The following FAM227B variants were observed in gnomAD, a reference collection of about 807,000 sequenced individuals.
FAM227B encodes the protein protein FAM227B.
Under a neutral mutation model 73.8 loss-of-function variants are expected in FAM227B, and 88 were observed. The ratio of observed to expected loss-of-function variants is 1.19; its 90% CI spans 1.00 to 1.42. FAM227B has a LOEUF of 1.42. FAM227B is among the 40% of genes most tolerant of loss of function. The pLI is 0.00. For synonymous variants in FAM227B, 210 were observed against 190.5 expected, an observed-to-expected ratio of 1.10 and a Z score of -0.84; for missense variants, 632 against 590.9, an observed-to-expected ratio of 1.07 and a Z score of -0.72.
intron 11 of FAM227B, chr15:49,483,060 G>A (rs559697329): frequency 1.4e-5 from 11 of 791,994 alleles, no homozygotes; most frequent in Middle Eastern, 7.0e-4. Context: ...AAAAACTTCC[G>A]ATTAAAACAG....
chr15:49,583,052 A>C (rs771972647), intron 5 of FAM227B, among the ~76,000 whole-genome samples: 3 of 152,134 alleles, frequency 2.0e-5, no homozygotes, highest in Non-Finnish European at 4.4e-5. Context: ...ACAACCTAAC[A>C]TCACAACTAA....
Position 49,328,316 on chromosome 15 carries a change from T to C in FAM227B, c.*252A>G. ...TTCAAAGAAATGGTTGAAAGCTCTCTATGCTTCATAATGATTCTTTTTCCA... is the reference window on the plus strand; with the variant it reads ...TTCAAAGAAATGGTTGAAAGCTCTCCATGCTTCATAATGATTCTTTTTCCA... On this transcript the variant is annotated 3_prime_UTR_variant, in exon 16 of 16. Coordinates refer to ENST00000299338, the MANE Select transcript of FAM227B (RefSeq NM_152647.3). 1 of 1,435,112 alleles carries C rather than the reference T, an allele frequency of 7.0e-7. No individual in the cohort carries two copies. Among genetic ancestry groups the C allele is most frequent in the Non-Finnish European group, 9.1e-7 (1 of 1,098,504 alleles). The allele number at this position is 1,435,112 out of a possible 1,614,324, so 88.9% of individuals were successfully genotyped here.
At chr15:49,350,379 G>A (rs1314252518) in intron 13 of FAM227B, among the ~76,000 whole-genome samples, 1 of 152,142 alleles carries the variant, frequency 6.6e-6, no homozygotes, top group Non-Finnish European at 1.5e-5. Context: ...ATACCTGTGT[G>A]CACATACTTA....
chr15:49,360,982 T>C (rs767268717), intron 13 of FAM227B, among the ~76,000 whole-genome samples: 1 of 152,140 alleles, frequency 6.6e-6, no homozygotes, highest in Non-Finnish European at 1.5e-5. Flanking sequence ...TCTTGTGATT[T>C]AGGCAAATCA....
chr15:49,360,571 T>C (rs201200090), intron 13 of FAM227B, among the ~76,000 whole-genome samples: 1 of 52,386 alleles, frequency 1.9e-5, no homozygotes, highest in African/African-American at 7.5e-5. Context: ...TATAAAAACA[T>C]AGACAAAGTA....
At chr15:49,385,293 A>C (rs1596752686) in intron 11 of FAM227B, among the ~76,000 whole-genome samples, 1 of 151,948 alleles carries the variant, frequency 6.6e-6, no homozygotes, top group Admixed American at 6.6e-5. Context: ...AGACGGACAC[A>C]AATTTAAATG....
At chr15:49,518,111 G>A (rs534791020) in intron 10 of FAM227B, among the ~76,000 whole-genome samples, 14 of 151,972 alleles carry the variant, frequency 9.2e-5, no homozygotes, top group East Asian at 7.7e-4. Context: ...TCTTTTTTCC[G>A]TGTACAGAAA....
chr15:49,591,632 C>T (rs764672679), intron 3 of FAM227B, among the ~76,000 whole-genome samples: 3 of 151,578 alleles, frequency 2.0e-5, no homozygotes, highest in South Asian at 2.1e-4. Context: ...ATTACAGGCA[C>T]GTGCCACCAT....
chr15:49,514,889 T>C (rs2059275497), intron 10 of FAM227B, among the ~76,000 whole-genome samples: 2 of 152,132 alleles, frequency 1.3e-5, no homozygotes, highest in African/African-American at 4.8e-5. Context: ...TAGTTTTAAG[T>C]TTTACACTTA....
intron 3 of FAM227B, among the ~76,000 whole-genome samples, chr15:49,597,256 A>C (rs1047077031): frequency 1.3e-5 from 2 of 152,068 alleles, no homozygotes; most frequent in East Asian, 3.9e-4. Context: ...AAGAAAATCA[A>C]AATTACATAA....
intron 13 of FAM227B, chr15:49,366,000 GACTACAAATATT>G (rs942337105): frequency 5.0e-6 from 4 of 806,926 alleles, no homozygotes; most frequent in Non-Finnish European, 9.0e-6. Context: ...CACAGTAGAT[GACTACAAATATT>G]ACAACTGTAA....
chr15:49,518,558 G>C (rs763551342), intron 10 of FAM227B, among the ~76,000 whole-genome samples: 10 of 152,068 alleles, frequency 6.6e-5, no homozygotes, highest in Non-Finnish European at 1.2e-4. Flanking sequence ...GGCAAAGGAG[G>C]AGCAAAACTA....
At position 49,568,038 on chromosome 15, in the gene FAM227B, A is replaced by T. The variant is rs2074795945; in HGVS notation, c.747+207T>A. Among the ~76,000 whole-genome samples the T allele has an allele frequency of 1.3e-5, 2 of 152,086 alleles. 1 individual carries two copies. Among genetic ancestry groups the T allele is most frequent in the South Asian group, 4.1e-4 (2 of 4,834 alleles). On this transcript the variant is annotated intron_variant, in intron 9 of 15. Coordinates refer to ENST00000299338, the MANE Select transcript of FAM227B (RefSeq NM_152647.3). ...AACAAAGTTCCTGTAGTCACTAAGG[A>T]GATTATGTAAGACCTTGATGCCAGG...
chr15:49,503,420 C>T (rs1287044392), intron 11 of FAM227B, among the ~76,000 whole-genome samples: 1 of 152,198 alleles, frequency 6.6e-6, no homozygotes, highest in African/African-American at 2.4e-5. Context: ...CCAGAATTGA[C>T]AATTGAGATC....
At chr15:49,610,419 GTAAA>G (rs1479268778) in intron 3 of FAM227B, among the ~76,000 whole-genome samples, 1 of 33,970 alleles carries the variant, frequency 2.9e-5, no homozygotes, top group African/African-American at 1.3e-4. Flanking sequence ...AACATTGAAA[GTAAA>G]AAAAAAAAAA....
At chr15:49,611,403 C>T in intron 2 of FAM227B, 135 bp from the exon 3 acceptor site, 1 of 505,408 alleles carries the variant, frequency 2.0e-6, no homozygotes, top group South Asian at 3.6e-5. Flanking sequence ...AAAATGCTCA[C>T]TTTATACCAT....
At chr15:49,434,201 T>C (rs776374615) in intron 11 of FAM227B, among the ~76,000 whole-genome samples, 8 of 151,714 alleles carry the variant, frequency 5.3e-5, no homozygotes, top group Non-Finnish European at 8.9e-5. Context: ...GCAGCTCTCA[T>C]AGGAAGGTCA....
chr15:49,576,916 C>T, intron 6 of FAM227B, 71 bp from the exon 7 acceptor site: 1 of 789,582 alleles, frequency 1.3e-6, no homozygotes, highest in Non-Finnish European at 2.1e-6. Context: ...CATATAACTA[C>T]AGAAGACCAA....
At chr15:49,550,421 G>A (rs1208840792) in intron 9 of FAM227B, among the ~76,000 whole-genome samples, 1 of 151,896 alleles carries the variant, frequency 6.6e-6, no homozygotes, top group Non-Finnish European at 1.5e-5. Context: ...TGGCTGCTGG[G>A]CGGAGACGCT....
Sources: allele counts gnomAD v4.1 joint callset (sites outside exome capture counted in the v4.1 genomes callset), GRCh38; gene constraint gnomAD v4.1.1; transcripts MANE v1.5; gene names NCBI Gene and HGNC (gene_info 2026-07-23, HGNC 2026-07-21).